Variants in OPCML observed in about 807,000 individuals in gnomAD.
OPCML encodes opioid-binding protein/cell adhesion molecule.
A neutral mutation model predicts 37.8 loss-of-function variants in OPCML; 13 were observed. The observed-to-expected ratio is 0.34, with a 90% CI of 0.22 to 0.55. The LOEUF is 0.55. Ranked by LOEUF, OPCML falls within the 20% of genes least tolerant of loss-of-function variation. OPCML has a pLI of 0.91. For missense variants in OPCML, 341 were observed against 435.6 expected (o/e 0.78, Z 1.93); for synonymous variants, 176 against 168.8 (o/e 1.04, Z -0.33).
intron 1 of OPCML, among the ~76,000 whole-genome samples, chr11:133,531,500 C>A (rs541194866): frequency 6.6e-6 from 1 of 152,036 alleles, no homozygotes; most frequent in African/African-American, 2.4e-5. Flanking sequence ...ATATTCCTGA[C>A]GTAAGGAACA....
intron 1 of OPCML, among the ~76,000 whole-genome samples, chr11:133,099,434 CT>C (rs940124657): frequency 8.4e-6 from 1 of 119,058 alleles, no homozygotes; most frequent in African/African-American, 2.8e-5. Context: ...GGCTAATTTT[CT>C]TTTTTTCTTT....
At chr11:133,007,158 C>T (rs1326938894) in intron 1 of OPCML, 2 of 985,428 alleles carry the variant, frequency 2.0e-6, no homozygotes, top group African/African-American at 3.5e-5. Context: ...GGTACATGCC[C>T]ACAGATTGTG....
At chr11:133,229,939 A>T (rs1363506390) in intron 1 of OPCML, among the ~76,000 whole-genome samples, 1 of 152,208 alleles carries the variant, frequency 6.6e-6, no homozygotes, top group African/African-American at 2.4e-5. Flanking sequence ...GTTGTCTAAT[A>T]AGCTCTACTG....
chr11:132,922,069 G>A (rs935194046), intron 2 of OPCML, among the ~76,000 whole-genome samples: 21 of 151,868 alleles, frequency 1.4e-4, no homozygotes, highest in Non-Finnish European at 2.4e-4. Context: ...TAGTAGAGAC[G>A]GGGTTTCACC....
intron 2 of OPCML, among the ~76,000 whole-genome samples, chr11:132,873,465 T>C (rs79361592): frequency 0.017 from 2,655 of 152,124 alleles, 79 homozygotes; most frequent in African/African-American, 0.061. Context: ...GAAGGCAGAA[T>C]GGGTACAAGT....
At chr11:132,476,025 A>C (rs1395452144) in intron 4 of OPCML, among the ~76,000 whole-genome samples, 1 of 152,208 alleles carries the variant, frequency 6.6e-6, no homozygotes, top group Non-Finnish European at 1.5e-5. Flanking sequence ...GGTTATTGTG[A>C]AGATGTGTAG....
intron 1 of OPCML, chr11:133,298,878 C>A (rs575228117): frequency 6.6e-6 from 1 of 151,958 alleles, no homozygotes; most frequent in African/African-American, 2.4e-5. Context: ...ACAAGATATG[C>A]GCTGGAGGTG....
chr11:133,365,114 T>G (rs1944510935), intron 1 of OPCML, among the ~76,000 whole-genome samples: 1 of 151,366 alleles, frequency 6.6e-6, no homozygotes, highest in East Asian at 1.9e-4. Flanking sequence ...TGGGAACCAC[T>G]GCTGTGCAAT....
intron 1 of OPCML, among the ~76,000 whole-genome samples, chr11:133,279,341 C>T (rs745511199): frequency 1.3e-5 from 2 of 152,194 alleles, no homozygotes; most frequent in Non-Finnish European, 2.9e-5. Flanking sequence ...CCTGATGCTG[C>T]TCTCTGAAAG....
At chr11:132,573,062 A>G (rs892498779) in intron 3 of OPCML, among the ~76,000 whole-genome samples, 1 of 151,854 alleles carries the variant, frequency 6.6e-6, no homozygotes, top group Non-Finnish European at 1.5e-5. Context: ...TATTTTTAGT[A>G]TATACAAACA....
rs1025656019 is a variant in OPCML, at chr11:133,212,251, C to T, written c.62-269241G>A. ...CCTGCCCACCACCCCGATAGGTGCA[C>T]AAAGTCCTCCTAATAGTCCGTGACA... On this transcript the variant is annotated intron_variant, in intron 1 of 7. Coordinates refer to ENST00000524381, the MANE Select transcript of OPCML (RefSeq NM_001012393.5). This position sits in a 1 kb window ranked among gnomAD's most constrained non-coding sequence, Gnocchi z 4.9. Among the ~76,000 whole-genome samples the T allele has an allele frequency of 6.6e-6, 1 of 152,164 alleles. No individual in the cohort carries two copies. Among genetic ancestry groups the T allele is most frequent in the Non-Finnish European group, 1.5e-5 (1 of 68,034 alleles).
intron 2 of OPCML, among the ~76,000 whole-genome samples, chr11:132,898,144 T>C (rs1331231326): frequency 6.6e-6 from 1 of 152,194 alleles, no homozygotes; most frequent in East Asian, 1.9e-4. Context: ...CACTGAGTGC[T>C]CAGTTGGCCT....
At chr11:132,790,382 A>G (rs1375395152) in intron 2 of OPCML, among the ~76,000 whole-genome samples, 2 of 152,250 alleles carry the variant, frequency 1.3e-5, no homozygotes, top group African/African-American at 4.8e-5. Flanking sequence ...TCCCAGCACA[A>G]AGATACATGT....
intron 1 of OPCML, among the ~76,000 whole-genome samples, chr11:133,493,647 G>A (rs535399250): frequency 2.6e-5 from 4 of 151,922 alleles, no homozygotes; most frequent in African/African-American, 9.7e-5. Flanking sequence ...TGCATTTAGT[G>A]GACATCATTG....
chr11:133,092,173 T>C (rs1280832673), intron 1 of OPCML, among the ~76,000 whole-genome samples: 2 of 152,152 alleles, frequency 1.3e-5, no homozygotes, highest in Non-Finnish European at 2.9e-5. Context: ...GGGCACTACA[T>C]TGGAAGCAGA....
chr11:132,806,815 T>C (rs1461316709), intron 2 of OPCML, among the ~76,000 whole-genome samples: 1 of 152,192 alleles, frequency 6.6e-6, no homozygotes, highest in East Asian at 1.9e-4. Flanking sequence ...TCTTTTCAAA[T>C]GTATATAAGC....
At chr11:132,909,396 G>A (rs1944350589) in intron 2 of OPCML, among the ~76,000 whole-genome samples, 1 of 152,206 alleles carries the variant, frequency 6.6e-6, no homozygotes, top group South Asian at 2.1e-4. Context: ...CATTTCATAG[G>A]CATTTCTCAG....
chr11:132,991,511 G>A (rs915505013), intron 1 of OPCML, among the ~76,000 whole-genome samples: 8 of 152,082 alleles, frequency 5.3e-5, no homozygotes, highest in Non-Finnish European at 7.3e-5. Context: ...AAATATTAAC[G>A]AGCATCAATG....
At chr11:133,112,678 C>T (rs1288771213) in intron 1 of OPCML, among the ~76,000 whole-genome samples, 2 of 152,138 alleles carry the variant, frequency 1.3e-5, no homozygotes, top group East Asian at 1.9e-4. Context: ...CCCAGGTTCA[C>T]CAGTCCTGGC....
Sources: allele counts gnomAD v4.1 joint callset (sites outside exome capture counted in the v4.1 genomes callset), GRCh38; gene constraint gnomAD v4.1.1; non-coding constraint Gnocchi (gnomAD v3.1); transcripts MANE v1.5; gene names NCBI Gene and HGNC (gene_info 2026-07-23, HGNC 2026-07-21).